Variants in PCDHA9 observed in about 807,000 individuals in gnomAD.
PCDHA9 encodes protocadherin alpha-9.
Under a neutral mutation model 62.0 loss-of-function variants are expected in PCDHA9, and 62 were observed. That is an observed-to-expected ratio of 1.00 (90% CI 0.81 to 1.23). The LOEUF (loss-of-function observed/expected upper bound fraction) is 1.23. Among genes scored for constraint, PCDHA9 ranks in the 50% most tolerant of loss-of-function variants. The pLI, the probability that PCDHA9 is intolerant of heterozygous loss-of-function variation, is 0.00. For synonymous variants in PCDHA9, 557 were observed against 567.6 expected (o/e 0.98, Z 0.27); for missense variants, 1,205 against 1,249.8 (o/e 0.96, Z 0.54).
intron 1 of PCDHA9, chr5:140,865,406 G>A (rs899888055): frequency 4.6e-5 from 7 of 152,130 alleles, no homozygotes; most frequent in African/African-American, 1.4e-4. Flanking sequence ...ATGCTGAAAA[G>A]GAATTAGTAG....
chr5:140,980,428 G>A (rs868912779), intron 2 of PCDHA9, among the ~76,000 whole-genome samples: 5 of 152,028 alleles, frequency 3.3e-5, no homozygotes, highest in Admixed American at 2.6e-4. Flanking sequence ...TCAAGAGATC[G>A]AGACCATCCT....
At position 140,850,240 on chromosome 5, in the gene PCDHA9, T is replaced by G; in HGVS notation, c.1745T>G (p.Leu582Arg). 6.3e-7 allele frequency: 1 copy of G among 1,593,446 alleles called. No individual in the cohort carries two copies. Among genetic ancestry groups the G allele is most frequent in the East Asian group, 2.2e-5 (1 of 44,808 alleles). ...GACGGCGCAGTGAGCGAGATGGTGC[T>G]GCGGTCGGTGGGCGCCGGCGTAGTG... ...GTDGAVSEMV[L>R]RSVGAGVVVG... Residue 582 changes from leucine to arginine, a missense_variant, in exon 1 of 4, where the codon CTG (leucine) becomes CGG (arginine). By Grantham distance (102) the Leu-to-Arg change is moderately radical (BLOSUM62 -2). Around this residue, in one of 3 missense-constraint regions of PCDHA9, gnomAD observed 887 missense variants for 809.5 expected, o/e 1.10. Transcript: ENST00000532602.
chr5:140,849,388 T>G lies in PCDHA9; in HGVS notation c.893T>G (p.Leu298Ter). 1 of 1,533,538 alleles carries G rather than the reference T, an allele frequency of 6.5e-7. No homozygotes were observed. Among genetic ancestry groups the G allele is most frequent in the Non-Finnish European group, 8.9e-7 (1 of 1,123,160 alleles). 95.0% of individuals were successfully genotyped at this position (1,533,538 alleles called of 1,614,324 possible). ...AAATCCAAGTTCCACATGGACCCCT[T>G]AAGTGGGGCAATCACAGTGATAGGA... ...DIKSKFHMDP[L>*]SGAITVIGHM... is the part of the protein sequence containing the mutation. The change falls in exon 1 of 4, where the codon TTA becomes TGA. Residue 298 changes from leucine to a stop codon, truncating the protein, a stop_gained. Transcript: ENST00000532602. LOFTEE classifies it high-confidence loss of function.
intron 1 of PCDHA9, among the ~76,000 whole-genome samples, chr5:140,916,262 G>C (rs1379588605): frequency 6.6e-6 from 1 of 152,202 alleles, no homozygotes; most frequent in Non-Finnish European, 1.5e-5. Flanking sequence ...GACCCCAAGA[G>C]CATGCTTGTT....
At chr5:140,855,950 C>G (rs1468443604) in intron 1 of PCDHA9, 1 of 1,363,922 alleles carries the variant, frequency 7.3e-7, no homozygotes, top group Non-Finnish European at 1.0e-6. Flanking sequence ...TCAGCCATTT[C>G]GATAAAAAAT....
intron 1 of PCDHA9, among the ~76,000 whole-genome samples, chr5:140,903,475 A>C (rs1186809574): frequency 6.6e-6 from 1 of 152,220 alleles, no homozygotes; most frequent in African/African-American, 2.4e-5. Flanking sequence ...TATTCCTTGC[A>C]TTATAGTTCT....
At chr5:140,962,565 C>G (rs2095693012) in intron 1 of PCDHA9, among the ~76,000 whole-genome samples, 1 of 152,130 alleles carries the variant, frequency 6.6e-6, no homozygotes, top group African/African-American at 2.4e-5. Flanking sequence ...CCCCTAAAAG[C>G]CAATTGTTAA....
intron 1 of PCDHA9, among the ~76,000 whole-genome samples, chr5:140,918,373 C>A (rs1459758959): frequency 6.6e-6 from 1 of 152,056 alleles, no homozygotes; most frequent in Non-Finnish European, 1.5e-5. Context: ...TATTTGGATG[C>A]CTTTTATTTC....
chr5:140,868,098 A>G (rs972281563), intron 1 of PCDHA9: 22 of 152,120 alleles, frequency 1.4e-4, no homozygotes, highest in Admixed American at 1.0e-3. Context: ...AATGATAATA[A>G]AATTTATTTT....
chr5:140,949,053 C>T (rs2094339991), intron 1 of PCDHA9, among the ~76,000 whole-genome samples: 1 of 151,694 alleles, frequency 6.6e-6, no homozygotes, highest in Admixed American at 6.6e-5. Flanking sequence ...TTCTAATTTC[C>T]ATTATGATTT....
intron 3 of PCDHA9, among the ~76,000 whole-genome samples, chr5:141,001,642 G>A (rs1399710505): frequency 6.6e-6 from 1 of 152,110 alleles, no homozygotes; most frequent in African/African-American, 2.4e-5. Flanking sequence ...GGGGGTGAAG[G>A]TGTGGGAGAA....
intron 1 of PCDHA9, chr5:140,926,893 A>G: frequency 1.3e-6 from 2 of 1,547,320 alleles, no homozygotes; most frequent in Non-Finnish European, 1.7e-6. Context: ...TAGAGGGAGG[A>G]TGGTGGGCTG....
chr5:140,858,066 AG>A, intron 1 of PCDHA9: 1 of 1,597,600 alleles, frequency 6.3e-7, no homozygotes, highest in Non-Finnish European at 8.6e-7. Flanking sequence ...GAGGGCAGCC[AG>A]GCACCCAAGG....
At chr5:140,998,940 A>G (rs2097841050) in intron 3 of PCDHA9, among the ~76,000 whole-genome samples, 1 of 152,222 alleles carries the variant, frequency 6.6e-6, no homozygotes, top group African/African-American at 2.4e-5. Context: ...AGATGAAGAA[A>G]CTGTAAGTCA....
At chr5:140,878,897 A>G (rs1366976155) in intron 1 of PCDHA9, among the ~76,000 whole-genome samples, 1 of 152,232 alleles carries the variant, frequency 6.6e-6, no homozygotes, top group Non-Finnish European at 1.5e-5. Context: ...GACTACAGGC[A>G]GGCTCCACCA....
intron 1 of PCDHA9, among the ~76,000 whole-genome samples, chr5:140,975,946 A>T (rs989122714): frequency 6.6e-6 from 1 of 152,210 alleles, no homozygotes; most frequent in Non-Finnish European, 1.5e-5. Context: ...AATAGGACAT[A>T]TTAGAGTTCT....
At chr5:140,959,541 C>T (rs2095493793) in intron 1 of PCDHA9, among the ~76,000 whole-genome samples, 1 of 152,002 alleles carries the variant, frequency 6.6e-6, no homozygotes, top group Non-Finnish European at 1.5e-5. Flanking sequence ...TTCAGAGATG[C>T]TGTATAAATA....
intron 1 of PCDHA9, chr5:140,883,784 A>G (rs2059818732): frequency 3.7e-6 from 6 of 1,612,354 alleles, no homozygotes; most frequent in Non-Finnish European, 4.2e-6. Context: ...TGCGCTGTCG[A>G]GCTACGTGTC....
At chr5:140,869,419 C>G (rs782550413) in intron 1 of PCDHA9, 10 of 1,614,078 alleles carry the variant, frequency 6.2e-6, no homozygotes, top group African/African-American at 1.3e-5. Context: ...CAGCATCCAC[C>G]TGGAGGTGAT....
Sources: allele counts gnomAD v4.1 joint callset (sites outside exome capture counted in the v4.1 genomes callset), GRCh38; gene constraint gnomAD v4.1.1; regional missense constraint gnomAD v4.1.1; transcripts MANE v1.5; gene names NCBI Gene and HGNC (gene_info 2026-07-23, HGNC 2026-07-21).